IL1RAPL2: variants seen among roughly 807,000 people sequenced by gnomAD.
The protein encoded by IL1RAPL2 is interleukin 1 receptor accessory protein like 2, also known as X-linked interleukin-1 receptor accessory protein-like 2.
A neutral mutation model predicts 44.1 loss-of-function variants in IL1RAPL2; 3 were observed. That is an observed-to-expected ratio of 0.07 (90% confidence interval 0.03 to 0.18). The LOEUF is 0.18. IL1RAPL2 is among the 10% of genes least tolerant of loss of function. The pLI is 1.00. For missense variants in IL1RAPL2, 391 were observed against 496.4 expected, an observed-to-expected ratio of 0.79 and a Z score of 2.02; for synonymous variants, 181 against 178.8, an observed-to-expected ratio of 1.01 and a Z score of -0.10.
chrX:105,427,938 A>T (rs1425395176), intron 5 of IL1RAPL2, among the ~76,000 whole-genome samples: 1 of 111,911 alleles, frequency 8.9e-6, no homozygotes, highest in Non-Finnish European at 1.9e-5. Flanking sequence ...TCCGAAAAGG[A>T]TTCTAATTTA....
At position 105,053,617 on chromosome X, in the gene IL1RAPL2, G is replaced by A. The variant is rs904094335; in HGVS notation, c.83-141858G>A. Among the ~76,000 whole-genome samples the A allele has an allele frequency of 1.1e-4, 12 of 111,590 alleles. No individual in the cohort carries two copies. The Admixed American group carries it at 1.1e-3, about 11-fold the overall frequency. On this transcript the variant is annotated intron_variant, in intron 2 of 10. Coordinates refer to ENST00000372582, the MANE Select transcript of IL1RAPL2 (RefSeq NM_017416.2). ...CCCTGATTGGTTGATATTACAGTAT[G>A]TCCTCACTTAATATGTTCATCAATA... is the stretch of plus-strand genomic sequence containing the variant.
intron 2 of IL1RAPL2, among the ~76,000 whole-genome samples, chrX:104,912,910 C>T (rs748442163): frequency 1.8e-5 from 2 of 112,041 alleles, no homozygotes; most frequent in African/African-American, 3.2e-5. Context: ...AAAGAAGTAG[C>T]AGGCATAATC....
At chrX:104,631,495 C>A (rs968502319) in intron 1 of IL1RAPL2, among the ~76,000 whole-genome samples, 7 of 111,273 alleles carry the variant, frequency 6.3e-5, no homozygotes, top group Non-Finnish European at 1.1e-4. Context: ...TCCTCTCCAG[C>A]ACCTGTTGTT....
chrX:105,267,858 T>C (rs1426945734), intron 5 of IL1RAPL2, among the ~76,000 whole-genome samples: 1 of 111,840 alleles, frequency 8.9e-6, no homozygotes, highest in Non-Finnish European at 1.9e-5. Context: ...GAATGTTGAC[T>C]TAACCCATTT....
At chrX:105,283,434 A>T (rs931929040) in intron 5 of IL1RAPL2, among the ~76,000 whole-genome samples, 1 of 111,397 alleles carries the variant, frequency 9.0e-6, no homozygotes, top group Non-Finnish European at 1.9e-5. Context: ...AGGGAACAGC[A>T]TGTGTCAGCT....
Position 105,767,765 on chromosome X carries a change from GAA to G in IL1RAPL2, c.*108_*109del. On this transcript the variant is annotated 3_prime_UTR_variant, in exon 11 of 11. Coordinates refer to ENST00000372582, the MANE Select transcript of IL1RAPL2 (RefSeq NM_017416.2). ...ACGTTGTGTTAAAAAAGTGTTTGAA[GAA>G]AAAGGTACAAAAATGGCTTTTATAC... 2 of 610,498 alleles carry G rather than the reference GAA, an allele frequency of 3.3e-6. No individual in the cohort carries two copies. Among genetic ancestry groups the G allele is most frequent in the South Asian group, 3.5e-5 (1 of 28,789 alleles). The allele number at this position is 610,498 out of a possible 1,213,427, so 50.3% of individuals were successfully genotyped here.
chrX:105,643,451 A>G (rs2037582950), intron 6 of IL1RAPL2, among the ~76,000 whole-genome samples: 1 of 111,323 alleles, frequency 9.0e-6, no homozygotes, highest in Admixed American at 9.5e-5. Context: ...TGTTGCCTTT[A>G]GCATATTACA....
chrX:104,946,461 A>T (rs1169472164), intron 2 of IL1RAPL2, among the ~76,000 whole-genome samples: 2 of 95,479 alleles, frequency 2.1e-5, no homozygotes, highest in Non-Finnish European at 4.1e-5. Flanking sequence ...CATGTGCACA[A>T]TGTGCAGGTT....
chrX:104,575,069 C>A (rs1305349616), intron 1 of IL1RAPL2, among the ~76,000 whole-genome samples: 1 of 111,033 alleles, frequency 9.0e-6, no homozygotes, highest in East Asian at 2.8e-4. Flanking sequence ...ATAAGATAAG[C>A]TAGTCAAAGT....
At chrX:104,788,549 T>G (rs1932810233) in intron 2 of IL1RAPL2, among the ~76,000 whole-genome samples, 1 of 112,259 alleles carries the variant, frequency 8.9e-6, no homozygotes, top group African/African-American at 3.2e-5. Flanking sequence ...AGAAAGAAGT[T>G]ACTTTCTCCT....
chrX:105,082,509 T>C (rs1304061149), intron 2 of IL1RAPL2, among the ~76,000 whole-genome samples: 1 of 111,417 alleles, frequency 9.0e-6, no homozygotes. Flanking sequence ...GAATGGGAGA[T>C]ACCTCCCAGT....
intron 1 of IL1RAPL2, among the ~76,000 whole-genome samples, chrX:104,615,253 T>C (rs931429297): frequency 8.9e-5 from 10 of 111,782 alleles, no homozygotes; most frequent in African/African-American, 3.3e-4. Flanking sequence ...GAGGTACATG[T>C]ACAGGATGTG....
chrX:105,083,855 A>G (rs1333549116), intron 2 of IL1RAPL2, among the ~76,000 whole-genome samples: 3 of 112,172 alleles, frequency 2.7e-5, no homozygotes. Context: ...AGCCACTGCA[A>G]AAACATACCA....
chrX:105,275,210 CAA>C (rs71914725), intron 5 of IL1RAPL2, among the ~76,000 whole-genome samples: 3 of 94,167 alleles, frequency 3.2e-5, no homozygotes, highest in Admixed American at 1.2e-4. Context: ...GACTCCATCT[CAA>C]AAAAAAAAAG....
intron 2 of IL1RAPL2, among the ~76,000 whole-genome samples, chrX:104,930,151 A>G (rs1924862446): frequency 8.9e-6 from 1 of 112,292 alleles, no homozygotes; most frequent in Non-Finnish European, 1.9e-5. Context: ...TCTGTAACAG[A>G]AATTCTGCTA....
At chrX:105,079,597 T>C (rs1382066983) in intron 2 of IL1RAPL2, among the ~76,000 whole-genome samples, 1 of 109,046 alleles carries the variant, frequency 9.2e-6, no homozygotes, top group Non-Finnish European at 1.9e-5. Context: ...ATCCAGTCTA[T>C]CACTGATGGG....
chrX:104,780,147 T>C (rs1202038397), intron 2 of IL1RAPL2, among the ~76,000 whole-genome samples: 1 of 111,771 alleles, frequency 8.9e-6, no homozygotes, highest in Non-Finnish European at 1.9e-5. Context: ...CAGGTAGGGA[T>C]ATATAGGTGG....
chrX:105,407,930 A>G (rs149601957), intron 5 of IL1RAPL2, among the ~76,000 whole-genome samples: 2,537 of 112,119 alleles, frequency 0.023, 78 homozygotes, highest in African/African-American at 0.078. Flanking sequence ...TCAAAACCAA[A>G]AAACCAAGGT....
chrX:104,866,702 T>C (rs927639777), intron 2 of IL1RAPL2, among the ~76,000 whole-genome samples: 1 of 111,938 alleles, frequency 8.9e-6, no homozygotes, highest in Non-Finnish European at 1.9e-5. Flanking sequence ...TTTGGTGATT[T>C]AGAAACAAAT....
Sources: allele counts gnomAD v4.1 joint callset (sites outside exome capture counted in the v4.1 genomes callset), GRCh38; gene constraint gnomAD v4.1.1; transcripts MANE v1.5; gene names NCBI Gene and HGNC (gene_info 2026-07-23, HGNC 2026-07-21).